Variants in EYA1 observed in about 807,000 individuals in gnomAD.
The protein encoded by EYA1 is protein phosphatase EYA1.
In EYA1, 16 loss-of-function variants were observed where a neutral mutation model predicts 82.0. The observed-to-expected ratio is 0.20, with a 90% CI of 0.13 to 0.30. EYA1 has a LOEUF of 0.30. Among genes scored for constraint, EYA1 ranks in the 10% least tolerant of loss-of-function variants. EYA1 has a pLI of 1.00. For missense variants in EYA1, 633 were observed against 730.7 expected (o/e 0.87, Z 1.54); for synonymous variants, 261 against 264.4 (o/e 0.99, Z 0.12).
intron 12 of EYA1, among the ~76,000 whole-genome samples, chr8:71,235,788 T>C (rs1452877945): frequency 1.3e-5 from 2 of 152,188 alleles, no homozygotes; most frequent in African/African-American, 4.8e-5. Context: ...AAAAGACTAC[T>C]GGATGCGATA....
rs184487694 is a variant in EYA1, at chr8:71,396,146, C to G, written c.34-39635G>C. ...TGGGATCGGTGGTGATATCCCCTTT[C>G]TCATTTTTTATTGTGTCTATTTGAT... On this transcript the variant is annotated intron_variant, in intron 2 of 18. Coordinates refer to the EYA1 transcript ENST00000643681. 2.0e-5 allele frequency among the ~76,000 whole-genome samples: 3 copies of G among 152,012 alleles called. No homozygotes were observed. The South Asian group carries it at 6.2e-4, about 32-fold the overall frequency.
intron 4 of EYA1, chr8:71,324,042 A>C (rs1822880909): frequency 6.6e-6 from 1 of 152,208 alleles, no homozygotes; most frequent in Non-Finnish European, 1.5e-5. Flanking sequence ...AAAAAAATGC[A>C]ATGCTACTTG....
At chr8:71,414,164 G>A (rs1194517230) in intron 2 of EYA1, among the ~76,000 whole-genome samples, 1 of 152,152 alleles carries the variant, frequency 6.6e-6, no homozygotes, top group Non-Finnish European at 1.5e-5. Context: ...ATCAATAGTT[G>A]GATTCTGGCT....
chr8:71,451,788 G>A (rs1422648538), intron 2 of EYA1, among the ~76,000 whole-genome samples: 1 of 152,184 alleles, frequency 6.6e-6, no homozygotes, highest in Non-Finnish European at 1.5e-5. Context: ...ATATGCAGGT[G>A]TGGTTCCAAG....
intron 2 of EYA1, among the ~76,000 whole-genome samples, chr8:71,418,874 C>T (rs1830996978): frequency 6.6e-6 from 1 of 152,082 alleles, no homozygotes; most frequent in African/African-American, 2.4e-5. Context: ...GATAAGATGA[C>T]ATTTGGATGG....
chr8:71,542,559 A>T (rs1313811828), intron 1 of EYA1, among the ~76,000 whole-genome samples: 1 of 152,210 alleles, frequency 6.6e-6, no homozygotes, highest in Non-Finnish European at 1.5e-5. Flanking sequence ...AACGATTTAC[A>T]TTCTCTTGGG....
At chr8:71,515,076 T>C (rs1268298108) in intron 2 of EYA1, among the ~76,000 whole-genome samples, 1 of 152,024 alleles carries the variant, frequency 6.6e-6, no homozygotes, top group Non-Finnish European at 1.5e-5. Context: ...GGTAAGACAA[T>C]GAGTTACACA....
intron 2 of EYA1, among the ~76,000 whole-genome samples, chr8:71,484,200 T>G (rs1586808705): frequency 6.6e-6 from 1 of 151,424 alleles, no homozygotes; most frequent in South Asian, 2.1e-4. Context: ...GTCAGGGGGG[T>G]TTTAAGAGAT....
chr8:71,468,382 T>C (rs2129198142), intron 2 of EYA1, among the ~76,000 whole-genome samples: 1 of 152,236 alleles, frequency 6.6e-6, no homozygotes, highest in East Asian at 1.9e-4. Flanking sequence ...GTGGAAATCA[T>C]GTTGCAATTT....
chr8:71,455,186 AC>A (rs1483440973), intron 2 of EYA1, among the ~76,000 whole-genome samples: 1 of 152,102 alleles, frequency 6.6e-6, no homozygotes, highest in African/African-American at 2.4e-5. Flanking sequence ...TGACACATAC[AC>A]CCCACAAGAC....
At chr8:71,469,054 T>G (rs1194079773) in intron 2 of EYA1, among the ~76,000 whole-genome samples, 1 of 152,102 alleles carries the variant, frequency 6.6e-6, no homozygotes, top group African/African-American at 2.4e-5. Context: ...AGCTTGGAAC[T>G]TAGTATCTGA....
chr8:71,449,531 A>C (rs4446767), intron 2 of EYA1, among the ~76,000 whole-genome samples: 1 of 152,030 alleles, frequency 6.6e-6, no homozygotes, highest in Non-Finnish European at 1.5e-5. Context: ...TAAAAAACCA[A>C]GCTATGGACA....
chr8:71,335,370 A>G (rs1408877412), intron 3 of EYA1, among the ~76,000 whole-genome samples: 3 of 152,220 alleles, frequency 2.0e-5, no homozygotes, highest in Admixed American at 6.5e-5. Context: ...ATCTTCAAAT[A>G]TTCTCCTAAT....
chr8:71,494,022 C>CAAAAAAAAAAAAAAA (rs34340467), intron 2 of EYA1, among the ~76,000 whole-genome samples: 40 of 41,868 alleles, frequency 9.6e-4, no homozygotes, highest in African/African-American at 2.1e-3. Context: ...GACTCCGTCT[C>CAAAAAAAAAAAAAAA]AAAAAAAAAA....
At chr8:71,219,943 T>C (rs1046781680) in intron 12 of EYA1, among the ~76,000 whole-genome samples, 2 of 152,178 alleles carry the variant, frequency 1.3e-5, no homozygotes, top group African/African-American at 4.8e-5. Flanking sequence ...AGGTTGTTTT[T>C]AGCTTCCAAA....
chr8:71,249,772 A>G (rs1585996172), intron 11 of EYA1, among the ~76,000 whole-genome samples: 1 of 152,294 alleles, frequency 6.6e-6, no homozygotes, highest in Admixed American at 6.5e-5. Context: ...CTGGAGGCTC[A>G]TATATCAATT....
chr8:71,214,427 T>A (rs183010936), intron 16 of EYA1, among the ~76,000 whole-genome samples: 1 of 152,196 alleles, frequency 6.6e-6, no homozygotes, highest in Non-Finnish European at 1.5e-5. Flanking sequence ...TATACCCAGA[T>A]CAAATGTCAT....
At chr8:71,208,937 C>T (rs1362964895) in intron 17 of EYA1, among the ~76,000 whole-genome samples, 1 of 152,220 alleles carries the variant, frequency 6.6e-6, no homozygotes, top group East Asian at 1.9e-4. Flanking sequence ...CAAAGGATTT[C>T]ACTTGTGTTC....
intron 9 of EYA1, among the ~76,000 whole-genome samples, chr8:71,295,684 C>T (rs546625763): frequency 6.6e-6 from 1 of 152,176 alleles, no homozygotes; most frequent in Admixed American, 6.5e-5. Flanking sequence ...AAACGTAGTG[C>T]TGCCATATGA....
Sources: gnomAD v4.1 joint callset for allele counts (sites outside exome capture counted in the v4.1 genomes callset) on GRCh38, gnomAD v4.1.1 for gene constraint, MANE v1.5 for transcripts, NCBI Gene and HGNC (gene_info 2026-07-23, HGNC 2026-07-21) for gene names.